Variants in CYP7B1 observed in about 807,000 individuals in gnomAD.
CYP7B1 encodes cytochrome P450 family 7 subfamily B member 1.
In CYP7B1, 29 loss-of-function variants were observed where a neutral mutation model predicts 42.7. The ratio of observed to expected loss-of-function variants is 0.68; its 90% CI spans 0.51 to 0.93. CYP7B1 has a LOEUF of 0.93. Among genes scored for constraint, CYP7B1 ranks in the 40% least tolerant of loss-of-function variants. The pLI is 0.00. For synonymous variants in CYP7B1, 235 were observed against 218.2 expected, an observed-to-expected ratio of 1.08 and a Z score of -0.68; for missense variants, 655 against 600.5, an observed-to-expected ratio of 1.09 and a Z score of -0.95.
At position 64,798,628 on chromosome 8, in the gene CYP7B1, C is replaced by A; in HGVS notation, c.-41G>T. On this transcript the variant is annotated 5_prime_UTR_variant, in exon 1 of 6. The change creates a new upstream start codon in the 5' untranslated region. Coordinates refer to ENST00000310193, the MANE Select transcript of CYP7B1 (RefSeq NM_004820.5). ...CCGCGGTGGGCAGCCCGGGGTCTGC[C>A]TGCGAACAGCGCGGTCGGCGACTCT... The A allele has an allele frequency of 6.9e-7, 1 of 1,446,552 alleles. No individual in the cohort carries two copies. The highest frequency in any genetic ancestry group is 1.4e-5 in the South Asian group (1 of 72,862). 89.6% of individuals were successfully genotyped at this position (1,446,552 alleles called of 1,614,324 possible).
At position 64,591,888 on chromosome 8, in the gene CYP7B1, A is replaced by G. The variant is rs1805040353; in HGVS notation, c.*4754T>C. ...TTTAATTCAAAACTTAGGTGAAGCT[A>G]TAAAAATGAAAAGATGGGGGCGGGC... On this transcript the variant is annotated 3_prime_UTR_variant, in exon 6 of 6. Transcript: ENST00000310193. 6.6e-6 allele frequency among the ~76,000 whole-genome samples: 1 copy of G among 152,190 alleles called. No homozygotes were observed. Among genetic ancestry groups the G allele is most frequent in the Non-Finnish European group, 1.5e-5 (1 of 68,038 alleles).
intron 1 of CYP7B1, among the ~76,000 whole-genome samples, chr8:64,722,806 G>A (rs1807266123): frequency 7.0e-6 from 1 of 142,562 alleles, no homozygotes; most frequent in Admixed American, 7.7e-5. Flanking sequence ...CTCTCATTTG[G>A]TTTAGAAACA....
chr8:64,624,849 G>A (rs1805584262), intron 1 of CYP7B1, among the ~76,000 whole-genome samples: 1 of 149,156 alleles, frequency 6.7e-6, no homozygotes, highest in South Asian at 2.1e-4. Flanking sequence ...CCCATCACCC[G>A]AGCAATGTAA....
chr8:64,657,746 T>C (rs1432285925), intron 1 of CYP7B1, among the ~76,000 whole-genome samples: 3 of 152,232 alleles, frequency 2.0e-5, no homozygotes, highest in East Asian at 3.8e-4. Context: ...AACATCCTAA[T>C]GTACATCCTA....
intron 1 of CYP7B1, among the ~76,000 whole-genome samples, chr8:64,670,697 G>A (rs553419803): frequency 2.6e-5 from 4 of 152,162 alleles, no homozygotes; most frequent in Admixed American, 2.0e-4. Flanking sequence ...ACCAAAGACA[G>A]ACAGTTACAG....
chr8:64,667,213 T>C (rs1402052871), intron 1 of CYP7B1, among the ~76,000 whole-genome samples: 1 of 152,186 alleles, frequency 6.6e-6, no homozygotes, highest in Non-Finnish European at 1.5e-5. Flanking sequence ...AAGTTGTACT[T>C]CTGGAATTAT....
chr8:64,778,985 C>T (rs1053283815), intron 1 of CYP7B1, among the ~76,000 whole-genome samples: 20 of 152,072 alleles, frequency 1.3e-4, no homozygotes, highest in Non-Finnish European at 2.2e-4. Context: ...GACAGCAGAC[C>T]ATTTTTGCCT....
chr8:64,724,439 G>A (rs1234911673), intron 1 of CYP7B1, among the ~76,000 whole-genome samples: 4 of 152,046 alleles, frequency 2.6e-5, no homozygotes, highest in South Asian at 2.1e-4. Context: ...GAGCCACCGC[G>A]CCCAGCCAAA....
At chr8:64,769,999 T>C (rs1313706710) in intron 1 of CYP7B1, among the ~76,000 whole-genome samples, 6 of 152,194 alleles carry the variant, frequency 3.9e-5, no homozygotes, top group Non-Finnish European at 8.8e-5. Context: ...CTTTATCTCA[T>C]CTTTATTGTT....
intron 1 of CYP7B1, among the ~76,000 whole-genome samples, chr8:64,752,187 A>C (rs1431480071): frequency 1.3e-5 from 2 of 152,106 alleles, no homozygotes; most frequent in Non-Finnish European, 2.9e-5. Flanking sequence ...AAAAAAAAAA[A>C]TCTTAACAGT....
chr8:64,638,243 C>A (rs2129630905), intron 1 of CYP7B1, among the ~76,000 whole-genome samples: 1 of 152,008 alleles, frequency 6.6e-6, no homozygotes, highest in Middle Eastern at 3.4e-3. Flanking sequence ...AGCTCCAGAT[C>A]CTTAGCATCC....
At chr8:64,789,176 C>A (rs567494889) in intron 1 of CYP7B1, among the ~76,000 whole-genome samples, 85 of 152,298 alleles carry the variant, frequency 5.6e-4, no homozygotes, top group African/African-American at 2.0e-3. Flanking sequence ...GATCCACCCA[C>A]CTTGGTCTCC....
At chr8:64,756,045 C>A (rs145528870) in intron 1 of CYP7B1, among the ~76,000 whole-genome samples, 380 of 152,298 alleles carry the variant, frequency 2.5e-3, no homozygotes, top group African/African-American at 8.8e-3. Context: ...ATTCGTCCAC[C>A]TGTGTGCTTT....
At chr8:64,667,264 G>T (rs1806294953) in intron 1 of CYP7B1, among the ~76,000 whole-genome samples, 1 of 152,116 alleles carries the variant, frequency 6.6e-6, no homozygotes, top group Admixed American at 6.6e-5. Flanking sequence ...TTTGAAGTAA[G>T]TTTCCCCTAA....
intron 1 of CYP7B1, among the ~76,000 whole-genome samples, chr8:64,690,233 C>A (rs1485998284): frequency 3.3e-5 from 5 of 152,082 alleles, no homozygotes; most frequent in African/African-American, 1.2e-4. Context: ...CCCATCTCTA[C>A]AAAAATAAAA....
intron 1 of CYP7B1, among the ~76,000 whole-genome samples, chr8:64,632,575 T>G (rs1805712363): frequency 6.6e-6 from 1 of 151,416 alleles, no homozygotes; most frequent in Admixed American, 6.6e-5. Context: ...TCATGTTAAG[T>G]GTTCCTACCA....
At chr8:64,775,441 G>T (rs976742018) in intron 1 of CYP7B1, among the ~76,000 whole-genome samples, 3 of 152,042 alleles carry the variant, frequency 2.0e-5, no homozygotes, top group Non-Finnish European at 4.4e-5. Context: ...TAGTCCACAG[G>T]CTTTGTTTTC....
chr8:64,733,952 A>C (rs1807450316), intron 1 of CYP7B1, among the ~76,000 whole-genome samples: 1 of 152,190 alleles, frequency 6.6e-6, no homozygotes, highest in Admixed American at 6.5e-5. Flanking sequence ...TGTGGGCAAC[A>C]GAGCCAGACC....
rs768687788 is a variant in CYP7B1, at chr8:64,614,987, G to A, written c.1057+39C>T. On this transcript the variant is annotated intron_variant, in intron 4 of 5. Coordinates refer to ENST00000310193, the MANE Select transcript of CYP7B1 (RefSeq NM_004820.5). ...GAGTGATAAACCGAGTTTGCAGAGA[G>A]GTACCTTCTTTTCTTCATAACAGAT... 12 of 1,606,024 alleles carry A rather than the reference G, an allele frequency of 7.5e-6. No individual in the cohort carries two copies. The South Asian group carries it at 1.2e-4, about 16-fold the overall frequency.
Sources: allele counts gnomAD v4.1 joint callset (sites outside exome capture counted in the v4.1 genomes callset), GRCh38; gene constraint gnomAD v4.1.1; transcripts MANE v1.5; gene names NCBI Gene and HGNC (gene_info 2026-07-23, HGNC 2026-07-21).